SH3PXD2A: variants seen among roughly 807,000 people sequenced by gnomAD.
SH3PXD2A encodes SH3 and PX domain-containing protein 2A.
In SH3PXD2A, 32 loss-of-function variants were observed where a neutral mutation model predicts 115.2. The observed-to-expected ratio is 0.28, with a 90% CI of 0.21 to 0.37. The LOEUF (loss-of-function observed/expected upper bound fraction) is 0.37. SH3PXD2A is among the 10% of genes least tolerant of loss of function. The pLI, the probability that SH3PXD2A is intolerant of heterozygous loss-of-function variation, is 1.00. For synonymous variants in SH3PXD2A, 610 were observed against 629.1 expected (o/e 0.97, Z 0.45); for missense variants, 1,328 against 1,498.7 (o/e 0.89, Z 1.88).
At chr10:103,635,494 C>A (rs1172093315) in intron 8 of SH3PXD2A, among the ~76,000 whole-genome samples, 1 of 152,212 alleles carries the variant, frequency 6.6e-6, no homozygotes, top group Non-Finnish European at 1.5e-5. Flanking sequence ...TGCCCTTATG[C>A]TGAGATGACC....
intron 8 of SH3PXD2A, among the ~76,000 whole-genome samples, chr10:103,637,311 T>C (rs994117164): frequency 1.3e-5 from 2 of 152,186 alleles, no homozygotes; most frequent in African/African-American, 2.4e-5. Context: ...CAGGAGGCTT[T>C]AGATGACTTC....
chr10:103,692,933 C>CAA, intron 6 of SH3PXD2A, 95 bp downstream of exon 6: 1 of 995,910 alleles, frequency 1.0e-6, no homozygotes, highest in Non-Finnish European at 1.6e-6. Flanking sequence ...CAACCCCCCC[C>CAA]TCCCCGCCCC....
At chr10:103,656,880 C>T (rs1464092303) in intron 8 of SH3PXD2A, among the ~76,000 whole-genome samples, 1 of 150,990 alleles carries the variant, frequency 6.6e-6, no homozygotes, top group Admixed American at 6.6e-5. Context: ...AGAGAAGCTG[C>T]TTTGGCTCGT....
At chr10:103,745,211 C>G (rs911480607) in intron 3 of SH3PXD2A, among the ~76,000 whole-genome samples, 2 of 152,238 alleles carry the variant, frequency 1.3e-5, no homozygotes, top group Non-Finnish European at 2.9e-5. Context: ...ATTAAGTCAA[C>G]AGAAAAGACA....
chr10:103,603,486 C>A lies in SH3PXD2A; in HGVS notation c.1732G>T (p.Asp578Tyr), dbSNP rs2036251986. 1.9e-6 allele frequency: 3 copies of A among 1,611,202 alleles called. No individual in the cohort carries two copies. The highest frequency in any genetic ancestry group is 2.5e-6 in the Non-Finnish European group (3 of 1,178,628). Residue 578 changes from aspartate (D) to tyrosine (Y), a missense_variant, in exon 15 of 15, where the codon GAC becomes TAC. Asp to Tyr is a radical substitution (Grantham distance 160, BLOSUM62 -3). Around this residue, in one of 5 missense-constraint regions of SH3PXD2A, gnomAD observed 509 missense variants for 628.3 expected, o/e 0.81. Coordinates refer to ENST00000369774, the MANE Select transcript of SH3PXD2A (RefSeq NM_001394015.1). The stretch of plus-strand genomic sequence containing the variant: ...GGCCGCCTCTCCCCTGAGGCTCTGT[C>A]CTCCACGGGCTCCTCGCTCAGCTCA... ...EPELSEEPVEDRASGERRPAQ... is the reference protein window; with the variant it reads ...EPELSEEPVEYRASGERRPAQ...
At chr10:103,812,159 C>T (rs79594049) in intron 1 of SH3PXD2A, among the ~76,000 whole-genome samples, 1,662 of 152,316 alleles carry the variant, frequency 0.011, 26 homozygotes, top group African/African-American at 0.034. Context: ...TACCTTCCTC[C>T]TTCCAATCCT....
intron 1 of SH3PXD2A, among the ~76,000 whole-genome samples, chr10:103,807,297 C>T (rs2039216192): frequency 6.6e-6 from 1 of 152,148 alleles, no homozygotes; most frequent in African/African-American, 2.4e-5. Flanking sequence ...TACCTGTTGC[C>T]CCCTTGGCTA....
At chr10:103,807,231 A>G (rs1300147004) in intron 1 of SH3PXD2A, among the ~76,000 whole-genome samples, 30 of 152,158 alleles carry the variant, frequency 2.0e-4, no homozygotes, top group Admixed American at 2.0e-3. Context: ...ACACAGCCCA[A>G]CCATTCCTAG....
At chr10:103,670,148 C>T (rs912311314) in intron 6 of SH3PXD2A, among the ~76,000 whole-genome samples, 23 of 152,104 alleles carry the variant, frequency 1.5e-4, no homozygotes, top group African/African-American at 4.6e-4. Flanking sequence ...GGTTGGCTCC[C>T]GGTGTAGAAC....
chr10:103,778,342 AGGC>A, intron 2 of SH3PXD2A, among the ~76,000 whole-genome samples: 1 of 152,300 alleles, frequency 6.6e-6, no homozygotes, highest in East Asian at 1.9e-4. Context: ...CAGAAAAAAA[AGGC>A]GGGGGGAAAT....
chr10:103,654,504 T>C (rs1010183287), intron 8 of SH3PXD2A, among the ~76,000 whole-genome samples: 1 of 152,232 alleles, frequency 6.6e-6, no homozygotes, highest in Non-Finnish European at 1.5e-5. Flanking sequence ...GTGGTCTTTC[T>C]AGTGGCTGTC....
intron 3 of SH3PXD2A, among the ~76,000 whole-genome samples, chr10:103,750,759 G>GGCA (rs2038567715): frequency 6.6e-6 from 1 of 151,964 alleles, no homozygotes; most frequent in Non-Finnish European, 1.5e-5. Flanking sequence ...TGTCCATTCA[G>GGCA]GTTGCTTTGT....
At chr10:103,607,414 C>T (rs1172445033) in intron 13 of SH3PXD2A, among the ~76,000 whole-genome samples, 2 of 151,554 alleles carry the variant, frequency 1.3e-5, no homozygotes, top group African/African-American at 2.4e-5. Context: ...GGGGGTCAGC[C>T]CCCGCCAGGC....
chr10:103,608,493 A>C (rs1245330886), intron 13 of SH3PXD2A: 1 of 150,988 alleles, frequency 6.6e-6, no homozygotes, highest in African/African-American at 2.4e-5. Flanking sequence ...CATCGAATTT[A>C]CAGATTAGGG....
rs867947204 is a variant in SH3PXD2A at position 103,825,924 on chromosome 10, C to T, written c.73-24562G>A. On this transcript the variant is annotated intron_variant, in intron 1 of 14. Transcript: ENST00000369774. Reference sequence around the variant, plus strand: ...GACTACAGGCTCCCGCCACCACGCCCGGCTAATTTTTTGTATTTTTAGTAG... The same window carrying T: ...GACTACAGGCTCCCGCCACCACGCCTGGCTAATTTTTTGTATTTTTAGTAG... Among the ~76,000 whole-genome samples, 80 of 152,194 alleles carry T rather than the reference C, an allele frequency of 5.3e-4. 1 individual carries two copies. The Middle Eastern group carries it at 0.01, about 19-fold the overall frequency.
At chr10:103,818,259 C>T (rs1417039628) in intron 1 of SH3PXD2A, among the ~76,000 whole-genome samples, 1 of 152,234 alleles carries the variant, frequency 6.6e-6, no homozygotes, top group East Asian at 1.9e-4. Flanking sequence ...CTGGTGCTCC[C>T]TCTGCCCCCT....
chr10:103,747,744 A>C (rs1297477616), intron 3 of SH3PXD2A, among the ~76,000 whole-genome samples: 1 of 152,194 alleles, frequency 6.6e-6, no homozygotes, highest in African/African-American at 2.4e-5. Flanking sequence ...CAGGCCAGCC[A>C]CAGGGGAGTT....
At chr10:103,800,043 C>A (rs1266400469) in intron 2 of SH3PXD2A, among the ~76,000 whole-genome samples, 3 of 152,166 alleles carry the variant, frequency 2.0e-5, no homozygotes, top group African/African-American at 2.4e-5. Context: ...TCCAAGATGA[C>A]TGACAACCAA....
intron 3 of SH3PXD2A, among the ~76,000 whole-genome samples, chr10:103,743,950 A>G (rs193208539): frequency 6.6e-6 from 1 of 152,294 alleles, no homozygotes; most frequent in East Asian, 1.9e-4. Flanking sequence ...GAGAGCATAG[A>G]GCAGAGAGGC....
Sources: gnomAD v4.1 joint callset for allele counts (sites outside exome capture counted in the v4.1 genomes callset) on GRCh38, gnomAD v4.1.1 for gene constraint, gnomAD v4.1.1 regional missense constraint, MANE v1.5 for transcripts, NCBI Gene and HGNC (gene_info 2026-07-23, HGNC 2026-07-21) for gene names.